The following AGMO variants were observed in gnomAD, a reference collection of about 807,000 sequenced individuals.
AGMO encodes the protein alkylglycerol monooxygenase, also known as glyceryl-ether monooxygenase.
Under a neutral mutation model 60.2 loss-of-function variants are expected in AGMO, and 75 were observed. The observed-to-expected ratio is 1.25, with a 90% CI of 1.03 to 1.51. AGMO has a LOEUF of 1.51. Ranked by LOEUF, AGMO falls within the 40% of genes most tolerant of loss-of-function variation. The pLI is 0.00. For missense variants in AGMO, 763 were observed against 525.5 expected (o/e 1.45, Z -4.42); for synonymous variants, 261 against 177.1 (o/e 1.47, Z -3.76).
intron 12 of AGMO, among the ~76,000 whole-genome samples, chr7:15,220,369 G>C (rs1043782875): frequency 6.6e-6 from 1 of 150,956 alleles, no homozygotes; most frequent in African/African-American, 2.4e-5. Context: ...ACAGGGGCCC[G>C]CCTATCATTC....
the AGMO span, among the ~76,000 whole-genome samples, chr7:15,161,705 A>G: frequency 6.6e-6 from 1 of 151,430 alleles, no homozygotes. Context: ...GTGTGTGTGT[A>G]TACATACACA....
intron 12 of AGMO, among the ~76,000 whole-genome samples, chr7:15,204,127 A>G (rs1472094397): frequency 6.6e-6 from 1 of 152,136 alleles, no homozygotes; most frequent in Non-Finnish European, 1.5e-5. Context: ...AAACAGAGTT[A>G]ATTTTACACT....
At chr7:15,526,747 T>A (rs1432170975) in intron 3 of AGMO, among the ~76,000 whole-genome samples, 1 of 152,214 alleles carries the variant, frequency 6.6e-6, no homozygotes, top group Non-Finnish European at 1.5e-5. Context: ...TTGCATTTTT[T>A]GCAAATTGAA....
At chr7:15,418,783 C>T (rs1780851302) in intron 4 of AGMO, 130 bp from the exon 5 acceptor site, 2 of 583,126 alleles carry the variant, frequency 3.4e-6, no homozygotes, top group Admixed American at 8.0e-5. Flanking sequence ...TATTTTATTG[C>T]CATGTTTACT....
At chr7:15,554,008 C>T (rs1027126372) in intron 2 of AGMO, among the ~76,000 whole-genome samples, 2 of 152,060 alleles carry the variant, frequency 1.3e-5, no homozygotes, top group Non-Finnish European at 2.9e-5. Context: ...TTAATTTGAT[C>T]CCCTTTTATT....
chr7:15,241,263 A>C (rs1583319620), intron 12 of AGMO, among the ~76,000 whole-genome samples: 4 of 151,658 alleles, frequency 2.6e-5, no homozygotes, highest in Admixed American at 2.0e-4. Flanking sequence ...GATCGAGACC[A>C]TCCTGGCTAA....
chr7:15,413,466 G>A (rs545918347), intron 5 of AGMO, among the ~76,000 whole-genome samples: 1 of 152,178 alleles, frequency 6.6e-6, no homozygotes, highest in South Asian at 2.1e-4. Context: ...GATTTTCAAA[G>A]CACATACTTG....
At chr7:15,216,021 A>T (rs779192068) in intron 12 of AGMO, among the ~76,000 whole-genome samples, 5 of 152,092 alleles carry the variant, frequency 3.3e-5, no homozygotes, top group Non-Finnish European at 5.9e-5. Flanking sequence ...CCATCTGAAT[A>T]AATGAACAGT....
At chr7:15,176,910 C>T in the AGMO span, among the ~76,000 whole-genome samples, 1 of 151,824 alleles carries the variant, frequency 6.6e-6, no homozygotes, top group South Asian at 2.1e-4. Flanking sequence ...TTTCTGGGAC[C>T]AAGAGTCAAA....
intron 12 of AGMO, among the ~76,000 whole-genome samples, chr7:15,322,512 A>G (rs1297554973): frequency 2.3e-5 from 2 of 88,742 alleles, no homozygotes; most frequent in African/African-American, 5.4e-5. Flanking sequence ...ATAAATATAT[A>G]TATAAATATA....
intron 3 of AGMO, among the ~76,000 whole-genome samples, chr7:15,540,490 T>C (rs1784597470): frequency 6.6e-6 from 1 of 152,220 alleles, no homozygotes; most frequent in African/African-American, 2.4e-5. Flanking sequence ...TCTCATGTTC[T>C]GGCTTTGCAG....
chr7:15,296,586 T>C (rs1265643719), intron 12 of AGMO, among the ~76,000 whole-genome samples: 1 of 152,138 alleles, frequency 6.6e-6, no homozygotes, highest in African/African-American at 2.4e-5. Flanking sequence ...TCATGGTTTT[T>C]ATCCTCCTTA....
the AGMO span, among the ~76,000 whole-genome samples, chr7:15,186,491 C>T: frequency 2.0e-5 from 3 of 152,012 alleles, no homozygotes. Context: ...TTCACATGGC[C>T]ACATGAACAA....
At chr7:15,322,979 GTATT>G (rs1781226750) in intron 12 of AGMO, among the ~76,000 whole-genome samples, 1 of 142,384 alleles carries the variant, frequency 7.0e-6, no homozygotes, top group South Asian at 2.1e-4. Flanking sequence ...ATATATATAT[GTATT>G]TATTTTTTAT....
At chr7:15,468,496 C>T (rs1355393729) in intron 3 of AGMO, among the ~76,000 whole-genome samples, 1 of 151,832 alleles carries the variant, frequency 6.6e-6, no homozygotes, top group African/African-American at 2.4e-5. Flanking sequence ...ATGTTTTAAA[C>T]ATGTAATAAT....
intron 2 of AGMO, among the ~76,000 whole-genome samples, chr7:15,548,210 T>C (rs56136154): frequency 0.24 from 36,841 of 151,832 alleles, 5,107 homozygotes; most frequent in African/African-American, 0.38. Flanking sequence ...ACTACAAAGA[T>C]GGGGAAAAAA....
intron 12 of AGMO, among the ~76,000 whole-genome samples, chr7:15,241,645 C>G (rs189511504): frequency 6.1e-4 from 93 of 152,102 alleles, no homozygotes; most frequent in Non-Finnish European, 1.0e-3. Context: ...TCACTGGACT[C>G]TCATAATTTT....
chr7:15,477,126 A>G (rs368499705), intron 3 of AGMO, among the ~76,000 whole-genome samples: 63 of 146,834 alleles, frequency 4.3e-4, no homozygotes, highest in African/African-American at 1.5e-3. Flanking sequence ...TTATTTTAGA[A>G]CATTCTTTTT....
In AGMO at chr7:15,266,941, T is replaced by C. The variant is rs73679459; in HGVS notation, c.1264-65582A>G. 2.5e-3 allele frequency among the ~76,000 whole-genome samples: 379 copies of C among 152,078 alleles called. 3 individuals are homozygous for C. Among genetic ancestry groups the C allele is most frequent in the African/African-American group, 8.7e-3 (360 of 41,512 alleles). On this transcript the variant is annotated intron_variant, in intron 12 of 12. Transcript: ENST00000342526. Reference sequence around the variant, plus strand: ...TGTCGAAATTCCACAGAAGAGGCAATCTACTCTCTAAAACAGTGACATAAT... The same window carrying C: ...TGTCGAAATTCCACAGAAGAGGCAACCTACTCTCTAAAACAGTGACATAAT...
Sources: allele counts gnomAD v4.1 joint callset (sites outside exome capture counted in the v4.1 genomes callset), GRCh38; gene constraint gnomAD v4.1.1; transcripts MANE v1.5; gene names NCBI Gene and HGNC (gene_info 2026-07-23, HGNC 2026-07-21).